The following SPON1 variants were observed in gnomAD, a reference collection of about 807,000 sequenced individuals.
SPON1 encodes spondin 1.
Under a neutral mutation model 111.7 loss-of-function variants are expected in SPON1, and 52 were observed. The observed-to-expected ratio is 0.47, with a 90% CI of 0.37 to 0.59. SPON1 has a LOEUF of 0.59. SPON1 is among the 20% of genes least tolerant of loss of function. The pLI, the probability that SPON1 is intolerant of heterozygous loss-of-function variation, is 0.00. For missense variants in SPON1, 957 were observed against 1,068.5 expected, an observed-to-expected ratio of 0.90 and a Z score of 1.46; for synonymous variants, 410 against 395.8, an observed-to-expected ratio of 1.04 and a Z score of -0.43.
At chr11:14,187,510 C>T (rs954080382) in intron 6 of SPON1, among the ~76,000 whole-genome samples, 3 of 152,196 alleles carry the variant, frequency 2.0e-5, no homozygotes, top group Non-Finnish European at 4.4e-5. Flanking sequence ...GACCCTGCCT[C>T]ATATTGCCAT....
intron 5 of SPON1, among the ~76,000 whole-genome samples, chr11:14,080,889 G>A (rs190752952): frequency 6.6e-6 from 1 of 152,186 alleles, no homozygotes; most frequent in East Asian, 1.9e-4. Flanking sequence ...TTAGAGACCT[G>A]CCTAGGCAAC....
chr11:14,170,275 C>T (rs1848081601), intron 6 of SPON1, among the ~76,000 whole-genome samples: 1 of 152,200 alleles, frequency 6.6e-6, no homozygotes, highest in South Asian at 2.1e-4. Context: ...TGGGAGTTCA[C>T]TCATGATTTG....
At chr11:14,199,860 G>A (rs1172411469) in intron 6 of SPON1, among the ~76,000 whole-genome samples, 1 of 152,130 alleles carries the variant, frequency 6.6e-6, no homozygotes, top group African/African-American at 2.4e-5. Context: ...AAGTTCCTTG[G>A]CCTTGCCTAA....
chr11:14,265,693 G>GT lies in SPON1; in HGVS notation c.*7dup, dbSNP rs1202113554. The GT allele has an allele frequency of 3.7e-6, 6 of 1,612,458 alleles. No individual in the cohort carries two copies. Among genetic ancestry groups the GT allele is most frequent in the Non-Finnish European group, 5.1e-6 (6 of 1,179,322 alleles). On this transcript the variant is annotated 3_prime_UTR_variant, in exon 16 of 16. Transcript: ENST00000576479. ...GCAATGTTCATCCTTGTTAGCAAGG[G>GT]TACGAGTTCCCCAGGGCTGCACTCT...
In SPON1 at chr11:14,129,657, C is replaced by T. The variant is rs561087511; in HGVS notation, c.677-5763C>T. Among the ~76,000 whole-genome samples the T allele has an allele frequency of 9.9e-5, 15 of 152,284 alleles. No homozygotes were observed. In the East Asian group the frequency reaches 2.7e-3, roughly 27 times the overall value. On this transcript the variant is annotated intron_variant, in intron 5 of 15. Transcript: ENST00000576479. ...TTACCTGCTTCCAAAGTTGCTTCCA[C>T]ATTTTCAGGTATCTTTATAGCAGTG...
intron 5 of SPON1, among the ~76,000 whole-genome samples, chr11:14,134,261 A>G (rs2133860221): frequency 6.6e-6 from 1 of 152,296 alleles, no homozygotes; most frequent in East Asian, 1.9e-4. Flanking sequence ...CTGTGTGATG[A>G]ACTAATTATA....
At chr11:14,261,576 CCTTA>C (rs1390771512) in intron 14 of SPON1, among the ~76,000 whole-genome samples, 2 of 152,200 alleles carry the variant, frequency 1.3e-5, no homozygotes, top group African/African-American at 4.8e-5. Context: ...CAAGGATAGG[CCTTA>C]CTTAATCCCT....
chr11:14,197,520 T>TAAATAAATA (rs1554935216), intron 6 of SPON1, among the ~76,000 whole-genome samples: 1 of 135,372 alleles, frequency 7.4e-6, no homozygotes, highest in Non-Finnish European at 1.6e-5. Context: ...AATAAATAAA[T>TAAATAAATA]AAACAAGTGG....
At chr11:14,137,602 C>T (rs1847607803) in intron 6 of SPON1, among the ~76,000 whole-genome samples, 1 of 152,136 alleles carries the variant, frequency 6.6e-6, no homozygotes, top group South Asian at 2.1e-4. Flanking sequence ...AGGACTTAAA[C>T]CTAAGTCTGT....
At chr11:14,161,271 G>C (rs182305303) in intron 6 of SPON1, among the ~76,000 whole-genome samples, 428 of 9,834 alleles carry the variant, frequency 0.044, 2 homozygotes, top group East Asian at 0.097. Context: ...TTATATATCT[G>C]TATATCTATA....
chr11:14,183,628 G>A (rs552138982), intron 6 of SPON1, among the ~76,000 whole-genome samples: 4 of 152,286 alleles, frequency 2.6e-5, no homozygotes, highest in African/African-American at 9.6e-5. Context: ...GCCAAGTTCT[G>A]GGTGAGATGT....
At chr11:14,074,084 G>C (rs1414162633) in intron 3 of SPON1, among the ~76,000 whole-genome samples, 1 of 152,136 alleles carries the variant, frequency 6.6e-6, no homozygotes, top group Non-Finnish European at 1.5e-5. Flanking sequence ...TTTGGCTTTG[G>C]GGTGAAGACT....
Position 14,135,477 on chromosome 11 carries a change from T to A in SPON1, c.734T>A (p.Leu245Gln). 2 of 1,613,894 alleles carry A rather than the reference T, an allele frequency of 1.2e-6. No individual in the cohort carries two copies. The highest frequency in any genetic ancestry group is 1.7e-6 in the Non-Finnish European group (2 of 1,179,792). Residue 245 changes from leucine (L) to glutamine (Q), a missense_variant, in exon 6 of 16, where the codon CTG becomes CAG. Physicochemically the swap from Leu to Gln is moderately radical, Grantham distance 113 (BLOSUM62 -2). Coordinates refer to ENST00000576479, the MANE Select transcript of SPON1 (RefSeq NM_006108.4). The surrounding 1 kb of genome is among the most constrained non-coding windows in gnomAD (Gnocchi z 4.4). ...IGGSHSKNYV[L>Q]WEYGGYASEG... ...GGATCCCACTCCAAGAATTATGTAC[T>A]GTGGGAATATGGAGGATATGCCAGC...
At chr11:14,171,875 GT>G (rs1284982874) in intron 6 of SPON1, among the ~76,000 whole-genome samples, 1 of 152,158 alleles carries the variant, frequency 6.6e-6, no homozygotes, top group Non-Finnish European at 1.5e-5. Flanking sequence ...TATAATTTCT[GT>G]TCTTTTACAT....
At chr11:14,262,641 G>A (rs1258940858) in intron 14 of SPON1, 71 bp from the exon 15 acceptor site, 6 of 1,585,632 alleles carry the variant, frequency 3.8e-6, no homozygotes, top group African/African-American at 1.4e-5. Flanking sequence ...TTGTTGAGAT[G>A]TTCAAAGGAG....
chr11:14,234,348 G>A (rs1848838780), intron 6 of SPON1, among the ~76,000 whole-genome samples: 1 of 152,152 alleles, frequency 6.6e-6, no homozygotes, highest in South Asian at 2.1e-4. Flanking sequence ...ACTGCTGAAG[G>A]TCAGGTAGAA....
chr11:14,205,935 A>G (rs1007779261), intron 6 of SPON1, among the ~76,000 whole-genome samples: 2 of 152,010 alleles, frequency 1.3e-5, no homozygotes, highest in African/African-American at 2.4e-5. Context: ...ATAGTTCCCA[A>G]CACTTGCTAC....
rs144356707 is a variant in SPON1, at chr11:14,124,692, A to G, written c.677-10728A>G. On this transcript the variant is annotated intron_variant, in intron 5 of 15. Coordinates refer to ENST00000576479, the MANE Select transcript of SPON1 (RefSeq NM_006108.4). ...TACTCAACTCTGCCGTTGTAGCATG[A>G]AAGTGGCCATAAACAATAGATAATA... Among the ~76,000 whole-genome samples the G allele has an allele frequency of 2.2e-4, 33 of 152,368 alleles. No individual in the cohort carries two copies. In the East Asian group the frequency reaches 6.2e-3, roughly 28 times the overall value.
intron 3 of SPON1, among the ~76,000 whole-genome samples, chr11:14,054,225 AG>A (rs1431957474): frequency 2.3e-4 from 35 of 152,154 alleles, no homozygotes; most frequent in African/African-American, 8.4e-4. Flanking sequence ...GAGGAGAAAA[AG>A]CTCCTTTATG....
Sources: gnomAD v4.1 joint callset for allele counts (sites outside exome capture counted in the v4.1 genomes callset) on GRCh38, gnomAD v4.1.1 for gene constraint, Gnocchi (gnomAD v3.1) non-coding constraint, MANE v1.5 for transcripts, NCBI Gene and HGNC (gene_info 2026-07-23, HGNC 2026-07-21) for gene names.